Variants in LPAR3 observed in about 807,000 individuals in gnomAD.
LPAR3 encodes the protein LPA receptor 3.
LPAR3 carries 7 observed loss-of-function variants against 17.8 expected under a neutral mutation model. That is an observed-to-expected ratio of 0.39 (90% CI 0.22 to 0.74). The LOEUF (loss-of-function observed/expected upper bound fraction) is 0.74. Among genes scored for constraint, LPAR3 ranks in the 30% least tolerant of loss-of-function variants. The pLI is 0.40. For missense variants in LPAR3, 391 were observed against 453.4 expected, an observed-to-expected ratio of 0.86 and a Z score of 1.25; for synonymous variants, 179 against 179.9, an observed-to-expected ratio of 0.99 and a Z score of 0.04.
chr1:84,818,035 G>GC (rs1488763053), intron 2 of LPAR3, among the ~76,000 whole-genome samples: 1 of 152,124 alleles, frequency 6.6e-6, no homozygotes, highest in Admixed American at 6.5e-5. Flanking sequence ...TCCAATCCTG[G>GC]CTCTTCCACT....
chr1:84,849,979 G>A (rs1659672239), intron 2 of LPAR3, among the ~76,000 whole-genome samples: 1 of 152,162 alleles, frequency 6.6e-6, no homozygotes. Context: ...ACGCAGATCT[G>A]TGCTCAGAAG....
At chr1:84,869,489 A>G (rs914688167) in intron 1 of LPAR3, among the ~76,000 whole-genome samples, 2 of 152,222 alleles carry the variant, frequency 1.3e-5, no homozygotes, top group Non-Finnish European at 2.9e-5. Context: ...CAGTCCATGA[A>G]AAACATACTC....
At chr1:84,891,059 T>G (rs948321797) in intron 1 of LPAR3, among the ~76,000 whole-genome samples, 1 of 152,186 alleles carries the variant, frequency 6.6e-6, no homozygotes, top group Non-Finnish European at 1.5e-5. Flanking sequence ...TCTCATACTT[T>G]AATGTTTTAA....
intron 2 of LPAR3, among the ~76,000 whole-genome samples, chr1:84,829,262 T>A (rs934600798): frequency 6.7e-6 from 1 of 150,136 alleles, no homozygotes. Context: ...GTGGGAACTT[T>A]GCCCATTTAA....
intron 1 of LPAR3, among the ~76,000 whole-genome samples, chr1:84,880,319 T>C (rs778301034): frequency 2.6e-5 from 4 of 152,168 alleles, no homozygotes; most frequent in Non-Finnish European, 5.9e-5. Context: ...AAGAAAGAGA[T>C]GAGCTCAGGC....
chr1:84,856,914 C>T (rs537263907), intron 2 of LPAR3, among the ~76,000 whole-genome samples: 2 of 152,246 alleles, frequency 1.3e-5, no homozygotes, highest in East Asian at 3.9e-4. Flanking sequence ...CTGTCAGAGA[C>T]AGGAATCATT....
intron 2 of LPAR3, among the ~76,000 whole-genome samples, chr1:84,825,634 C>T (rs1030675112): frequency 2.6e-5 from 4 of 152,184 alleles, no homozygotes; most frequent in Non-Finnish European, 5.9e-5. Context: ...TCTCTCTGAT[C>T]TTCTATTCTA....
intron 1 of LPAR3, among the ~76,000 whole-genome samples, chr1:84,868,839 A>C (rs759281101): frequency 2.9e-4 from 44 of 152,174 alleles, no homozygotes; most frequent in African/African-American, 1.1e-3. Flanking sequence ...GTGAGCAATA[A>C]ATTTCTGTTA....
intron 2 of LPAR3, among the ~76,000 whole-genome samples, chr1:84,826,627 A>T (rs933442633): frequency 6.6e-6 from 1 of 152,066 alleles, no homozygotes; most frequent in African/African-American, 2.4e-5. Flanking sequence ...CAAAAAAAAA[A>T]ACAGGTTACA....
intron 2 of LPAR3, among the ~76,000 whole-genome samples, chr1:84,843,422 C>A (rs1659543017): frequency 6.6e-6 from 1 of 152,244 alleles, no homozygotes; most frequent in African/African-American, 2.4e-5. Context: ...TATTAAAACA[C>A]ATTTAATGAA....
intron 1 of LPAR3, among the ~76,000 whole-genome samples, chr1:84,884,434 T>G (rs1331154500): frequency 6.6e-6 from 1 of 152,238 alleles, no homozygotes; most frequent in African/African-American, 2.4e-5. Context: ...ACATAATGAT[T>G]GTGGTAAATG....
At position 84,883,941 on chromosome 1, in the gene LPAR3, T is replaced by C. The variant is rs182620769; in HGVS notation, c.-19+9075A>G. Among the ~76,000 whole-genome samples, 13 of 152,358 alleles carry C rather than the reference T, an allele frequency of 8.5e-5. No individual in the cohort carries two copies. In the East Asian group the frequency reaches 2.3e-3, roughly 27 times the overall value. ...TTGTTAAATAATAAATCATAAATGT[T>C]AGAAATAATAGTTTCTTTTAAAATT... On this transcript the variant is annotated intron_variant, in intron 1 of 2. Transcript: ENST00000370611.
chr1:84,892,262 A>AAAT (rs1414259362), intron 1 of LPAR3, among the ~76,000 whole-genome samples: 4,013 of 110,252 alleles, frequency 0.036, 63 homozygotes, highest in East Asian at 0.041. Context: ...AATAAATAAA[A>AAAT]ACTAACCTAC....
chr1:84,822,706 C>T (rs992491964), intron 2 of LPAR3, among the ~76,000 whole-genome samples: 4 of 152,202 alleles, frequency 2.6e-5, no homozygotes, highest in Non-Finnish European at 5.9e-5. Context: ...GATGGTTCAG[C>T]ATTCCTGGGG....
At chr1:84,850,439 T>G (rs1470508579) in intron 2 of LPAR3, among the ~76,000 whole-genome samples, 1 of 82,196 alleles carries the variant, frequency 1.2e-5, no homozygotes, top group African/African-American at 4.6e-5. Flanking sequence ...AGAAAAAAAA[T>G]AGCTGGACAT....
chr1:84,835,768 T>A (rs936501528), intron 2 of LPAR3, among the ~76,000 whole-genome samples: 1 of 152,160 alleles, frequency 6.6e-6, no homozygotes, highest in Non-Finnish European at 1.5e-5. Context: ...TCACCAAACT[T>A]CAGGTGTAAC....
At chr1:84,846,818 A>G (rs1215616024) in intron 2 of LPAR3, among the ~76,000 whole-genome samples, 1 of 152,130 alleles carries the variant, frequency 6.6e-6, no homozygotes, top group African/African-American at 2.4e-5. Flanking sequence ...GAACAAGACA[A>G]TGACAAAAAA....
intron 1 of LPAR3, among the ~76,000 whole-genome samples, chr1:84,876,252 G>T (rs553736779): frequency 4.6e-5 from 7 of 152,110 alleles, no homozygotes; most frequent in Admixed American, 2.6e-4. Flanking sequence ...TAGCCAGGTC[G>T]TGTAAATGAA....
intron 1 of LPAR3, among the ~76,000 whole-genome samples, chr1:84,886,756 T>C (rs1660467552): frequency 6.6e-6 from 1 of 152,082 alleles, no homozygotes; most frequent in Non-Finnish European, 1.5e-5. Context: ...CATTCTCTAC[T>C]AAAAGGGAGG....
Sources: gnomAD v4.1 joint callset for allele counts (sites outside exome capture counted in the v4.1 genomes callset) on GRCh38, gnomAD v4.1.1 for gene constraint, MANE v1.5 for transcripts, NCBI Gene and HGNC (gene_info 2026-07-23, HGNC 2026-07-21) for gene names.